The following CFAP61 variants were observed in gnomAD, a reference collection of about 807,000 sequenced individuals.
CFAP61 encodes the protein cilia and flagella associated protein 61, also known as cilia- and flagella-associated protein 61.
CFAP61 carries 107 observed loss-of-function variants against 135.6 expected under a neutral mutation model. The ratio of observed to expected loss-of-function variants is 0.79; its 90% CI spans 0.67 to 0.93. The LOEUF (loss-of-function observed/expected upper bound fraction) is 0.93, where lower values mean the gene tolerates loss of function less well. Among genes scored for constraint, CFAP61 ranks in the 40% least tolerant of loss-of-function variants. The pLI, the probability that CFAP61 is intolerant of heterozygous loss-of-function variation, is 0.00. For synonymous variants in CFAP61, 575 were observed against 578.5 expected, an observed-to-expected ratio of 0.99 and a Z score of 0.09; for missense variants, 1,507 against 1,556.2, an observed-to-expected ratio of 0.97 and a Z score of 0.53.
intron 13 of CFAP61, among the ~76,000 whole-genome samples, chr20:20,183,624 T>G (rs1455587656): frequency 6.6e-6 from 1 of 152,224 alleles, no homozygotes; most frequent in South Asian, 2.1e-4. Flanking sequence ...AATCAAAAAG[T>G]AGGTGAAATT....
chr20:20,100,090 T>TA (rs1452680607), intron 8 of CFAP61, among the ~76,000 whole-genome samples: 2 of 152,140 alleles, frequency 1.3e-5, no homozygotes, highest in Non-Finnish European at 2.9e-5. Context: ...TGAGGGAACT[T>TA]ATCAGTGTGA....
intron 13 of CFAP61, among the ~76,000 whole-genome samples, chr20:20,171,393 C>A (rs1163765704): frequency 6.6e-6 from 1 of 152,186 alleles, no homozygotes; most frequent in Non-Finnish European, 1.5e-5. Flanking sequence ...GGTTACCTAA[C>A]ATATCCAGAG....
intron 23 of CFAP61, among the ~76,000 whole-genome samples, chr20:20,289,878 A>C (rs2054875843): frequency 6.6e-6 from 1 of 152,364 alleles, no homozygotes; most frequent in African/African-American, 2.4e-5. Flanking sequence ...TGAACAAAGA[A>C]CTTTGTTGAT....
At chr20:20,061,921 A>G (rs1000190875) in intron 2 of CFAP61, among the ~76,000 whole-genome samples, 9 of 152,204 alleles carry the variant, frequency 5.9e-5, no homozygotes, top group Non-Finnish European at 1.3e-4. Context: ...GGGCCCCTGC[A>G]TGAACCTGAG....
intron 6 of CFAP61, among the ~76,000 whole-genome samples, chr20:20,090,604 C>T (rs1027907624): frequency 3.4e-5 from 5 of 148,034 alleles, no homozygotes; most frequent in Non-Finnish European, 5.9e-5. Context: ...GCAGGAGAAT[C>T]GCTTGAACCC....
At chr20:20,306,082 A>G (rs960626626) in intron 25 of CFAP61, among the ~76,000 whole-genome samples, 1 of 152,168 alleles carries the variant, frequency 6.6e-6, no homozygotes, top group Non-Finnish European at 1.5e-5. Flanking sequence ...TTTTTAGCAT[A>G]TGTCACCTCC....
At chr20:20,211,261 T>G (rs939826898) in intron 17 of CFAP61, among the ~76,000 whole-genome samples, 2 of 152,214 alleles carry the variant, frequency 1.3e-5, no homozygotes, top group African/African-American at 4.8e-5. Context: ...CTGCCCCACG[T>G]GGCCTTGGTC....
chr20:20,319,293 C>T (rs1353899116), intron 25 of CFAP61, among the ~76,000 whole-genome samples: 2 of 152,184 alleles, frequency 1.3e-5, no homozygotes, highest in Admixed American at 6.5e-5. Flanking sequence ...AACCTCAGAA[C>T]CTAAGAGATA....
At chr20:20,281,546 A>T (rs2054196556) in intron 22 of CFAP61, among the ~76,000 whole-genome samples, 3 of 152,216 alleles carry the variant, frequency 2.0e-5, no homozygotes, top group Admixed American at 6.5e-5. Flanking sequence ...ACAGTGAATT[A>T]CGTTGATCGA....
chr20:20,331,194 C>G (rs2057977708), intron 25 of CFAP61, among the ~76,000 whole-genome samples: 2 of 152,136 alleles, frequency 1.3e-5, no homozygotes, highest in Admixed American at 1.3e-4. Flanking sequence ...CCCTTCTCCT[C>G]CGTTTATTTA....
chr20:20,098,791 A>T lies in CFAP61; in HGVS notation c.836A>T (p.Asp279Val), dbSNP rs754044505. 1 of 1,613,054 alleles carries T rather than the reference A, an allele frequency of 6.2e-7. No individual in the cohort carries two copies. Among genetic ancestry groups the T allele is most frequent in the Non-Finnish European group, 8.5e-7 (1 of 1,179,682 alleles). Residue 279 changes from aspartate to valine, a missense_variant, in exon 8 of 27, where the codon GAC becomes GTC. Coordinates refer to ENST00000245957, the MANE Select transcript of CFAP61 (RefSeq NM_015585.4). ...GATGACGTTCTGGAATCACCACAAG[A>T]CCTAAGTGTCCGAAGAAGTCAAGGT... ...HPDDVLESPQ[D>V]LSVRRSQDAE...
chr20:20,086,605 C>A, intron 6 of CFAP61, among the ~76,000 whole-genome samples: 1 of 152,062 alleles, frequency 6.6e-6, no homozygotes, highest in East Asian at 1.9e-4. Context: ...ACTGCCCAGA[C>A]GCTGCCCCTT....
chr20:20,084,152 C>T (rs1600521270), intron 6 of CFAP61, among the ~76,000 whole-genome samples: 2 of 152,270 alleles, frequency 1.3e-5, no homozygotes, highest in South Asian at 4.1e-4. Flanking sequence ...GAACACACTG[C>T]ATTCTCTATC....
At chr20:20,056,870 C>A in intron 2 of CFAP61, 74 bp downstream of exon 2, 1 of 1,406,866 alleles carries the variant, frequency 7.1e-7, no homozygotes, top group Non-Finnish European at 9.9e-7. Context: ...GTAATCTCAG[C>A]ACTTTGAGAG....
intron 19 of CFAP61, 101 bp from the exon 20 acceptor site, chr20:20,251,494 G>A (rs552581354): frequency 9.3e-6 from 10 of 1,072,498 alleles, no homozygotes; most frequent in Middle Eastern, 2.1e-4. Context: ...GCAAGAGCAC[G>A]GACTCAGCCC....
chr20:20,110,128 G>A (rs942776528), intron 8 of CFAP61, among the ~76,000 whole-genome samples: 1 of 151,912 alleles, frequency 6.6e-6, no homozygotes, highest in Admixed American at 6.5e-5. Flanking sequence ...GGCTGGTCTC[G>A]AACTCCTAAC....
At chr20:20,343,920 A>G (rs1289729881) in intron 26 of CFAP61, among the ~76,000 whole-genome samples, 1 of 152,188 alleles carries the variant, frequency 6.6e-6, no homozygotes, top group Non-Finnish European at 1.5e-5. Context: ...GGACCCATTT[A>G]TGAACTCAGT....
chr20:20,196,990 G>A (rs1355277598), intron 16 of CFAP61, among the ~76,000 whole-genome samples: 2 of 152,060 alleles, frequency 1.3e-5, no homozygotes, highest in African/African-American at 2.4e-5. Flanking sequence ...TAATATAATT[G>A]GTAGTACAAT....
At chr20:20,203,392 TACTCTCATGG>T (rs2056718229) in intron 17 of CFAP61, among the ~76,000 whole-genome samples, 2 of 152,236 alleles carry the variant, frequency 1.3e-5, no homozygotes, top group Admixed American at 1.3e-4. Flanking sequence ...TTAGGAGAGT[TACTCTCATGG>T]AAGTTTTTAT....
Sources: gnomAD v4.1 joint callset for allele counts (sites outside exome capture counted in the v4.1 genomes callset) on GRCh38, gnomAD v4.1.1 for gene constraint, MANE v1.5 for transcripts, NCBI Gene and HGNC (gene_info 2026-07-23, HGNC 2026-07-21) for gene names.